SMAP1: variants seen among roughly 807,000 people sequenced by gnomAD.
SMAP1 encodes small ArfGAP 1.
Under a neutral mutation model 58.5 loss-of-function variants are expected in SMAP1, and 24 were observed. That is an observed-to-expected ratio of 0.41 (90% CI 0.30 to 0.58). SMAP1 has a LOEUF of 0.58. Ranked by LOEUF, SMAP1 falls within the 20% of genes least tolerant of loss-of-function variation. The pLI is 0.29. For missense variants in SMAP1, 563 were observed against 566.3 expected, an observed-to-expected ratio of 0.99 and a Z score of 0.06; for synonymous variants, 216 against 196.6, an observed-to-expected ratio of 1.10 and a Z score of -0.82.
rs772367477 is a variant in SMAP1 at position 70,852,567 on chromosome 6, A to G, written c.692A>G (p.Asn231Ser). Residue 231 changes from asparagine to serine, a missense_variant, in exon 8 of 11, where the codon AAC becomes AGC. Transcript: ENST00000370455. Reference sequence around the variant, plus strand: ...GGCCCTGCTGTGGCACCAGTGACCAACGGGAACACAACGGTGCCACCCCTG... The same window carrying G: ...GGCCCTGCTGTGGCACCAGTGACCAGCGGGAACACAACGGTGCCACCCCTG... ...LDGPAVAPVT[N>S]GNTTVPPLND... The G allele has an allele frequency of 1.9e-6, 3 of 1,605,570 alleles. No homozygotes were observed. The highest frequency in any genetic ancestry group is 2.3e-5 in the South Asian group (2 of 88,798).
At chr6:70,689,768 T>TATGGA (rs563645974) in intron 1 of SMAP1, among the ~76,000 whole-genome samples, 166 of 152,294 alleles carry the variant, frequency 1.1e-3, no homozygotes, top group African/African-American at 3.0e-3. Context: ...GTTTTCAGTG[T>TATGGA]ATGGGCCTTC....
At chr6:70,760,841 G>T (rs1396319390) in intron 3 of SMAP1, among the ~76,000 whole-genome samples, 1 of 152,084 alleles carries the variant, frequency 6.6e-6, no homozygotes, top group East Asian at 1.9e-4. Flanking sequence ...TGCAAAAGCT[G>T]CTGTGAAAGT....
At chr6:70,752,626 C>T (rs1341047351) in intron 2 of SMAP1, among the ~76,000 whole-genome samples, 1 of 151,914 alleles carries the variant, frequency 6.6e-6, no homozygotes. Flanking sequence ...GCTAGTTTGC[C>T]CCATATTCTT....
chr6:70,857,261 C>T, intron 9 of SMAP1: 1 of 346,976 alleles, frequency 2.9e-6, no homozygotes, highest in Non-Finnish European at 5.2e-6. Context: ...TCATAGATCA[C>T]TAAATGTTGT....
intron 2 of SMAP1, among the ~76,000 whole-genome samples, chr6:70,737,034 A>G (rs1765645953): frequency 1.3e-5 from 2 of 152,218 alleles, no homozygotes; most frequent in South Asian, 4.1e-4. Context: ...CAGATGCTTT[A>G]CAACAAATAG....
intron 1 of SMAP1, among the ~76,000 whole-genome samples, chr6:70,708,566 A>G (rs1767931440): frequency 6.6e-6 from 1 of 152,150 alleles, no homozygotes; most frequent in South Asian, 2.1e-4. Flanking sequence ...AGCTGTACCA[A>G]TTTACATTCA....
At chr6:70,804,235 T>C (rs950079541) in intron 6 of SMAP1, among the ~76,000 whole-genome samples, 2 of 152,182 alleles carry the variant, frequency 1.3e-5, no homozygotes, top group Admixed American at 1.3e-4. Flanking sequence ...TTTACCGTTA[T>C]GTAATGGCTT....
intron 7 of SMAP1, among the ~76,000 whole-genome samples, chr6:70,843,456 C>T (rs1770876658): frequency 6.6e-6 from 1 of 152,134 alleles, no homozygotes; most frequent in Non-Finnish European, 1.5e-5. Context: ...GGTGAACTAT[C>T]ATTATTTCGC....
intron 1 of SMAP1, among the ~76,000 whole-genome samples, chr6:70,680,932 T>A (rs1459249122): frequency 6.6e-6 from 1 of 151,816 alleles, no homozygotes; most frequent in African/African-American, 2.4e-5. Flanking sequence ...TTGGCCAGGC[T>A]GGTCTCGAAC....
At chr6:70,856,123 A>G (rs532942127) in intron 8 of SMAP1, among the ~76,000 whole-genome samples, 10 of 152,372 alleles carry the variant, frequency 6.6e-5, no homozygotes, top group Admixed American at 1.3e-4. Flanking sequence ...ACAAGTCCAT[A>G]TAACATGTGA....
intron 1 of SMAP1, among the ~76,000 whole-genome samples, chr6:70,686,563 A>G (rs1272363190): frequency 1.3e-5 from 2 of 152,182 alleles, no homozygotes; most frequent in Non-Finnish European, 2.9e-5. Context: ...TTGTCAGTGT[A>G]TTTTTGAAAA....
intron 1 of SMAP1, 148 bp downstream of exon 1, chr6:70,668,289 G>A (rs572220658): frequency 4.3e-5 from 36 of 839,964 alleles, no homozygotes; most frequent in Non-Finnish European, 5.6e-5. Context: ...GAGCGGGCGG[G>A]CGCGGGGCTC....
chr6:70,723,747 T>C (rs1768636557), intron 1 of SMAP1, among the ~76,000 whole-genome samples: 2 of 152,172 alleles, frequency 1.3e-5, no homozygotes, highest in African/African-American at 2.4e-5. Flanking sequence ...GGTAAATCTT[T>C]GTGAGGTGAA....
intron 1 of SMAP1, among the ~76,000 whole-genome samples, chr6:70,729,573 T>C (rs956833735): frequency 2.6e-5 from 4 of 152,026 alleles, no homozygotes; most frequent in African/African-American, 4.8e-5. Context: ...GGTGTATCAC[T>C]ATCATTTAAA....
At chr6:70,676,515 T>C (rs185043392) in intron 1 of SMAP1, among the ~76,000 whole-genome samples, 2 of 152,306 alleles carry the variant, frequency 1.3e-5, no homozygotes, top group Admixed American at 1.3e-4. Context: ...ATATAGTCTG[T>C]GCTGTTAACT....
At chr6:70,749,421 C>A (rs1192897071) in intron 2 of SMAP1, among the ~76,000 whole-genome samples, 1 of 152,124 alleles carries the variant, frequency 6.6e-6, no homozygotes, top group East Asian at 1.9e-4. Flanking sequence ...AATTTTCTTC[C>A]TCCAGATTAA....
chr6:70,773,704 T>G (rs539827554), intron 4 of SMAP1, among the ~76,000 whole-genome samples: 1 of 152,138 alleles, frequency 6.6e-6, no homozygotes, highest in Non-Finnish European at 1.5e-5. Context: ...TTGAAAATGG[T>G]GGGAGAGAAA....
rs1240275358 is a variant in SMAP1 at position 70,732,510 on chromosome 6, A to G, written c.251A>G (p.Gln84Arg). 1 of 1,544,430 alleles carries G rather than the reference A, an allele frequency of 6.5e-7. No individual in the cohort carries two copies. Among genetic ancestry groups the G allele is most frequent in the Non-Finnish European group, 8.7e-7 (1 of 1,147,294 alleles). ...GACCAATGGACAGCAGAACAGATAC[A>G]GGTAAACATGACGTTACCAAGAAAT... ...NLDQWTAEQI[Q>R]CMQDMGNTKA... The change falls in exon 2 of 11, where the codon CAG becomes CGG. Residue 84 changes from glutamine (Q) to arginine (R), a missense_variant and splice_region_variant. Gln to Arg is a conservative substitution (Grantham distance 43). Transcript: ENST00000370455.
intron 4 of SMAP1, among the ~76,000 whole-genome samples, chr6:70,783,990 C>T (rs964754973): frequency 6.6e-6 from 1 of 152,108 alleles, no homozygotes; most frequent in Non-Finnish European, 1.5e-5. Context: ...AACTCCAAGA[C>T]ACATAATTGT....
Sources: gnomAD v4.1 joint callset for allele counts (sites outside exome capture counted in the v4.1 genomes callset) on GRCh38, gnomAD v4.1.1 for gene constraint, MANE v1.5 for transcripts, NCBI Gene and HGNC (gene_info 2026-07-23, HGNC 2026-07-21) for gene names.